The following SCUBE1 variants were observed in gnomAD, a reference collection of about 807,000 sequenced individuals.
SCUBE1 encodes signal peptide, CUB domain and EGF like domain containing 1, also known as signal peptide, CUB and EGF-like domain-containing protein 1.
In SCUBE1, 59 loss-of-function variants were observed where a neutral mutation model predicts 124.4. That is an observed-to-expected ratio of 0.47 (90% CI 0.38 to 0.59). SCUBE1 has a LOEUF of 0.59. Among genes scored for constraint, SCUBE1 ranks in the 20% least tolerant of loss-of-function variants. SCUBE1 has a pLI of 0.00. For synonymous variants in SCUBE1, 545 were observed against 550.9 expected (o/e 0.99, Z 0.15); for missense variants, 1,150 against 1,371.2 (o/e 0.84, Z 2.55).
At chr22:43,252,541 T>C (rs1425476386) in intron 6 of SCUBE1, among the ~76,000 whole-genome samples, 4 of 152,072 alleles carry the variant, frequency 2.6e-5, no homozygotes, top group African/African-American at 9.7e-5. Flanking sequence ...AGTGTCTCAG[T>C]TTTCTCATCT....
rs970180332 is a variant in SCUBE1 at position 43,202,281 on chromosome 22, C to A, written c.*1716G>T. On this transcript the variant is annotated 3_prime_UTR_variant, in exon 22 of 22. Transcript: ENST00000360835. ...TCCATCTGTGTGGTCCTCAGTGTGC[C>A]ACAGCCTCTCAAACCGTGTTTGTTT... 6.6e-6 allele frequency: 1 copy of A among 152,244 alleles called. No homozygotes were observed. The highest frequency in any genetic ancestry group is 2.4e-5 in the African/African-American group (1 of 41,450). The allele number at this position is 152,244 out of a possible 1,614,324, so 9.4% of individuals were successfully genotyped here.
At chr22:43,227,220 C>T (rs1922353029) in intron 10 of SCUBE1, among the ~76,000 whole-genome samples, 154 bp downstream of exon 10, 1 of 152,188 alleles carries the variant, frequency 6.6e-6, no homozygotes. Context: ...TCCCATCAGC[C>T]ATACCCCAAC....
chr22:43,205,087 G>C (rs190902138), intron 21 of SCUBE1, among the ~76,000 whole-genome samples: 1 of 152,130 alleles, frequency 6.6e-6, no homozygotes, highest in Admixed American at 6.5e-5. Context: ...AGGCCTGCTC[G>C]CTGGTCCCTG....
intron 6 of SCUBE1, among the ~76,000 whole-genome samples, chr22:43,247,555 C>T (rs926887599): frequency 1.3e-5 from 2 of 152,082 alleles, no homozygotes; most frequent in African/African-American, 4.8e-5. Flanking sequence ...AATCTCGCCT[C>T]AGGAAGCTGG....
intron 21 of SCUBE1, among the ~76,000 whole-genome samples, chr22:43,206,263 T>C (rs1436232318): frequency 8.8e-6 from 1 of 113,320 alleles, no homozygotes; most frequent in Non-Finnish European, 1.8e-5. Context: ...TACATACCCC[T>C]ACATACACAC....
intron 4 of SCUBE1, among the ~76,000 whole-genome samples, chr22:43,266,113 A>T (rs1924054828): frequency 6.6e-6 from 1 of 152,144 alleles, no homozygotes; most frequent in Admixed American, 6.5e-5. Flanking sequence ...AGAAAAAAAA[A>T]ATATTACATG....
chr22:43,205,393 G>C (rs1006242790), intron 21 of SCUBE1, among the ~76,000 whole-genome samples: 9 of 152,036 alleles, frequency 5.9e-5, no homozygotes, highest in African/African-American at 1.9e-4. Flanking sequence ...GCAGAGGTGA[G>C]GCCTGGCGGA....
intron 4 of SCUBE1, 69 bp from the exon 5 acceptor site, chr22:43,262,914 GA>G (rs200312375): frequency 1.3e-6 from 2 of 1,549,362 alleles, no homozygotes; most frequent in Non-Finnish European, 1.8e-6. Flanking sequence ...ATTTCAGGCT[GA>G]AAGGGGATAG....
chr22:43,250,306 T>A (rs967028297), intron 6 of SCUBE1, among the ~76,000 whole-genome samples: 1 of 152,194 alleles, frequency 6.6e-6, no homozygotes, highest in African/African-American at 2.4e-5. Context: ...GAGTCACAGA[T>A]GCTGCGACTG....
At chr22:43,214,809 TG>T (rs2146659586) in intron 15 of SCUBE1, among the ~76,000 whole-genome samples, 1 of 152,254 alleles carries the variant, frequency 6.6e-6, no homozygotes, top group East Asian at 1.9e-4. Context: ...ATACGTCGAC[TG>T]ATGAGTAAGT....
At chr22:43,293,893 G>A (rs777339970) in intron 3 of SCUBE1, among the ~76,000 whole-genome samples, 2 of 152,178 alleles carry the variant, frequency 1.3e-5, no homozygotes, top group Non-Finnish European at 2.9e-5. Context: ...CCCTGGCGCC[G>A]CCCATCTGCA....
intron 3 of SCUBE1, among the ~76,000 whole-genome samples, chr22:43,318,556 G>A (rs749810432): frequency 1.2e-4 from 19 of 152,256 alleles, no homozygotes; most frequent in Middle Eastern, 6.8e-3. Context: ...AAAGGGAACA[G>A]CAAAGGGCAA....
At chr22:43,228,383 A>G (rs763783347) in intron 9 of SCUBE1, among the ~76,000 whole-genome samples, 47 of 152,116 alleles carry the variant, frequency 3.1e-4, no homozygotes, top group Non-Finnish European at 6.2e-4. Context: ...TCCCAGTGGT[A>G]CCCTGGATTC....
intron 6 of SCUBE1, among the ~76,000 whole-genome samples, chr22:43,245,969 G>C (rs1282020097): frequency 2.0e-5 from 3 of 152,202 alleles, no homozygotes; most frequent in Non-Finnish European, 4.4e-5. Context: ...AAGCCACTGG[G>C]ATGGAGGGAC....
Position 43,200,771 on chromosome 22 carries a change from A to C in SCUBE1, c.*3226T>G, listed in dbSNP as rs1365737506. The stretch of plus-strand genomic sequence containing the variant: ...TCTCCCGTGGGCTGGGAGCTATAGA[A>C]GGGCTTGCGAGGGAAAGCAGGATGA... On this transcript the variant is annotated 3_prime_UTR_variant, in exon 22 of 22. Coordinates refer to ENST00000360835, the MANE Select transcript of SCUBE1 (RefSeq NM_173050.5). The C allele has an allele frequency of 6.6e-6, 1 of 152,278 alleles. No individual in the cohort carries two copies. The highest frequency in any genetic ancestry group is 1.5e-5 in the Non-Finnish European group (1 of 68,092). The allele number at this position is 152,278 out of a possible 1,614,324, so 9.4% of individuals were successfully genotyped here.
At position 43,197,362 on chromosome 22, in the gene SCUBE1, C is replaced by T. The variant is rs1920949958; in HGVS notation, c.*6635G>A. 1 of 152,160 alleles carries T rather than the reference C, an allele frequency of 6.6e-6. No homozygotes were observed. The highest frequency in any genetic ancestry group is 6.5e-5 in the Admixed American group (1 of 15,274). 9.4% of individuals were successfully genotyped at this position (152,160 alleles called of 1,614,324 possible). On this transcript the variant is annotated 3_prime_UTR_variant, in exon 22 of 22. Coordinates refer to ENST00000360835, the MANE Select transcript of SCUBE1 (RefSeq NM_173050.5). The stretch of plus-strand genomic sequence containing the variant: ...CATATGGGGGACATGATGGATAAAA[C>T]AAAACTGAATATTTGTGGCAACTAA...
At chr22:43,219,501 A>C (rs551519581) in intron 14 of SCUBE1, among the ~76,000 whole-genome samples, 1 of 132,214 alleles carries the variant, frequency 7.6e-6, no homozygotes, top group African/African-American at 3.1e-5. Context: ...TTTGAGATAG[A>C]GTCTCACTCG....
intron 4 of SCUBE1, among the ~76,000 whole-genome samples, chr22:43,268,977 G>C (rs1487195598): frequency 6.6e-6 from 1 of 152,166 alleles, no homozygotes; most frequent in African/African-American, 2.4e-5. Context: ...AGGAGGGCTG[G>C]ATTGGACACA....
At chr22:43,254,901 C>T (rs1287085079) in intron 6 of SCUBE1, among the ~76,000 whole-genome samples, 2 of 152,224 alleles carry the variant, frequency 1.3e-5, no homozygotes, top group African/African-American at 4.8e-5. Flanking sequence ...GCCTGATCAG[C>T]CCTGCCAGCA....
Sources: gnomAD v4.1 joint callset for allele counts (sites outside exome capture counted in the v4.1 genomes callset) on GRCh38, gnomAD v4.1.1 for gene constraint, MANE v1.5 for transcripts, NCBI Gene and HGNC (gene_info 2026-07-23, HGNC 2026-07-21) for gene names.